Variants in BNC2 observed in about 807,000 individuals in gnomAD.
The protein encoded by BNC2 is zinc finger protein basonuclin-2.
In BNC2, 20 loss-of-function variants were observed where a neutral mutation model predicts 76.3. The observed-to-expected ratio is 0.26, with a 90% CI of 0.18 to 0.38. BNC2 has a LOEUF of 0.38. Ranked by LOEUF, BNC2 falls within the 10% of genes least tolerant of loss-of-function variation. The probability of loss-of-function intolerance (pLI) is 1.00; values close to 1 mark genes in which losing one functional copy is unlikely to be tolerated. For synonymous variants in BNC2, 582 were observed against 514.8 expected (o/e 1.13, Z -1.77); for missense variants, 1,382 against 1,399.8 (o/e 0.99, Z 0.20).
At chr9:16,782,893 T>C (rs193293235) in intron 1 of BNC2, among the ~76,000 whole-genome samples, 129 of 152,336 alleles carry the variant, frequency 8.5e-4, no homozygotes, top group Non-Finnish European at 1.5e-3. Flanking sequence ...AGTGAGTAAG[T>C]GAATAGTCTA....
intron 1 of BNC2, among the ~76,000 whole-genome samples, chr9:16,745,072 T>C (rs1464587487): frequency 1.3e-5 from 2 of 152,212 alleles, no homozygotes; most frequent in Non-Finnish European, 1.5e-5. Context: ...TGTGTGATCT[T>C]GGCAAGTTAC....
intron 3 of BNC2, among the ~76,000 whole-genome samples, chr9:16,641,218 A>C (rs184792009): frequency 2.6e-4 from 40 of 152,320 alleles, no homozygotes; most frequent in African/African-American, 7.7e-4. Flanking sequence ...CACTATGTAC[A>C]GTATGCACAG....
chr9:16,617,075 T>C (rs1032674936), intron 3 of BNC2, among the ~76,000 whole-genome samples: 2 of 152,196 alleles, frequency 1.3e-5, no homozygotes, highest in African/African-American at 4.8e-5. Context: ...CTGGAGTAAC[T>C]ATTCAGACAA....
chr9:16,430,119 T>C (rs1563779021), intron 6 of BNC2: 1 of 436,222 alleles, frequency 2.3e-6, no homozygotes, highest in Admixed American at 2.4e-5. Context: ...TGTTTGCTTC[T>C]GATGGAAAGT....
intron 3 of BNC2, among the ~76,000 whole-genome samples, chr9:16,666,035 T>C (rs970177448): frequency 1.3e-5 from 2 of 152,244 alleles, no homozygotes; most frequent in Non-Finnish European, 2.9e-5. Context: ...TCAATGCAGA[T>C]ATTTATTTGT....
chr9:16,479,249 C>CA (rs772198451), intron 5 of BNC2, among the ~76,000 whole-genome samples: 2,879 of 64,806 alleles, frequency 0.044, 90 homozygotes, highest in African/African-American at 0.15. Flanking sequence ...GACTCTGTCT[C>CA]AAAAAAAAAA....
intron 1 of BNC2, among the ~76,000 whole-genome samples, chr9:16,804,590 G>C (rs1179244166): frequency 6.6e-6 from 1 of 152,220 alleles, no homozygotes; most frequent in African/African-American, 2.4e-5. Context: ...CCTGGAGATA[G>C]GTTGTTTTTA....
intron 3 of BNC2, among the ~76,000 whole-genome samples, chr9:16,622,493 C>G (rs1007323906): frequency 3.3e-5 from 5 of 152,152 alleles, no homozygotes; most frequent in Admixed American, 1.3e-4. Flanking sequence ...TGAATTCAAG[C>G]TCACTATCAC....
intron 5 of BNC2, among the ~76,000 whole-genome samples, chr9:16,503,222 G>A (rs377140596): frequency 1.3e-5 from 2 of 151,998 alleles, no homozygotes; most frequent in Admixed American, 6.6e-5. Flanking sequence ...GTCCCAAAAC[G>A]TTACAACAAA....
At chr9:16,523,885 A>C (rs1249166752) in intron 5 of BNC2, among the ~76,000 whole-genome samples, 1 of 152,040 alleles carries the variant, frequency 6.6e-6, no homozygotes, top group Non-Finnish European at 1.5e-5. Context: ...GAGATCGTCC[A>C]GGAGGCAGAG....
chr9:16,424,315 G>T (rs929398778), intron 6 of BNC2, among the ~76,000 whole-genome samples: 18 of 151,566 alleles, frequency 1.2e-4, no homozygotes, highest in African/African-American at 3.4e-4. Context: ...GTAAGACTGT[G>T]GCAGTCAGAG....
At chr9:16,841,405 C>A (rs1451004246) in intron 1 of BNC2, among the ~76,000 whole-genome samples, 1 of 152,204 alleles carries the variant, frequency 6.6e-6, no homozygotes, top group African/African-American at 2.4e-5. Flanking sequence ...TTCCACTACA[C>A]TATAAATACT....
intron 1 of BNC2, among the ~76,000 whole-genome samples, chr9:16,796,442 G>A (rs767906318): frequency 4.6e-5 from 7 of 152,062 alleles, no homozygotes; most frequent in Non-Finnish European, 8.8e-5. Context: ...AAGCAAGGAA[G>A]TATAGGAGAC....
At chr9:16,731,583 G>A (rs933539980) in intron 2 of BNC2, among the ~76,000 whole-genome samples, 3 of 152,170 alleles carry the variant, frequency 2.0e-5, no homozygotes, top group Non-Finnish European at 4.4e-5. Flanking sequence ...TGTTGATGAT[G>A]TTTTAACGTT....
chr9:16,597,954 T>C (rs1305026873), intron 3 of BNC2, among the ~76,000 whole-genome samples: 1 of 152,186 alleles, frequency 6.6e-6, no homozygotes, highest in African/African-American at 2.4e-5. Context: ...AATTAAGGAC[T>C]GCAAATCAGT....
chr9:16,453,784 C>G (rs996260753), intron 5 of BNC2, among the ~76,000 whole-genome samples: 23 of 152,248 alleles, frequency 1.5e-4, no homozygotes, highest in African/African-American at 5.3e-4. Context: ...GCCACTTTCC[C>G]GAGTGACAGA....
At position 16,435,857 on chromosome 9, in the gene BNC2, T is replaced by C; in HGVS notation, c.2337A>G (p.Thr779=). 6.2e-7 allele frequency: 1 copy of C among 1,613,808 alleles called. No individual in the cohort carries two copies. Among genetic ancestry groups the C allele is most frequent in the Non-Finnish European group, 8.5e-7 (1 of 1,179,694 alleles). The change falls in exon 6 of 7, where the codon ACA becomes ACG. Residue 779 remains threonine (T), a synonymous_variant. Transcript: ENST00000380672. The stretch of plus-strand genomic sequence containing the variant: ...TGTAAAACATGTCGTAAGTGGGGTC[T>C]GTAAATTCTTCCTTCACCTTGATGA... ...QDVIKVKEEF[T]DPTYDMFYMS... is the part of the protein sequence containing the mutation.
intron 2 of BNC2, among the ~76,000 whole-genome samples, chr9:16,731,644 G>T (rs775697100): frequency 2.7e-4 from 41 of 152,200 alleles, no homozygotes; most frequent in Non-Finnish European, 2.9e-4. Context: ...TCATATACTG[G>T]CTCTAATACA....
intron 3 of BNC2, among the ~76,000 whole-genome samples, chr9:16,703,248 T>C (rs1207803535): frequency 3.3e-5 from 5 of 152,218 alleles, no homozygotes; most frequent in Non-Finnish European, 7.4e-5. Flanking sequence ...TAAATGTTAA[T>C]TGACAGATTT....
Sources: allele counts gnomAD v4.1 joint callset (sites outside exome capture counted in the v4.1 genomes callset), GRCh38; gene constraint gnomAD v4.1.1; transcripts MANE v1.5; gene names NCBI Gene and HGNC (gene_info 2026-07-23, HGNC 2026-07-21).